Variants in PCDH15 observed in about 807,000 individuals in gnomAD.
PCDH15 encodes protocadherin related 15.
In PCDH15, 129 loss-of-function variants were observed where a neutral mutation model predicts 178.5. The observed-to-expected ratio is 0.72, with a 90% CI of 0.63 to 0.84. PCDH15 has a LOEUF of 0.84. PCDH15 is among the 40% of genes least tolerant of loss of function. PCDH15 has a pLI of 0.00. For synonymous variants in PCDH15, 800 were observed against 732.0 expected, an observed-to-expected ratio of 1.09 and a Z score of -1.50; for missense variants, 2,230 against 2,099.9, an observed-to-expected ratio of 1.06 and a Z score of -1.21.
intron 2 of PCDH15, among the ~76,000 whole-genome samples, chr10:54,560,297 T>A (rs1216368804): frequency 6.6e-6 from 1 of 152,108 alleles, no homozygotes; most frequent in Non-Finnish European, 1.5e-5. Flanking sequence ...TAATGTTGGT[T>A]ATGTATCGGC....
At chr10:55,569,303 T>C (rs1842361849) in intron 2 of PCDH15, among the ~76,000 whole-genome samples, 1 of 152,046 alleles carries the variant, frequency 6.6e-6, no homozygotes, top group Admixed American at 6.6e-5. Context: ...CAAGATGTGA[T>C]AGACCTTTAC....
intron 2 of PCDH15, among the ~76,000 whole-genome samples, chr10:55,103,052 G>A (rs1161336618): frequency 1.3e-5 from 2 of 151,764 alleles, no homozygotes; most frequent in African/African-American, 2.4e-5. Context: ...AGGGGCAGGC[G>A]AGGCAGCCAC....
At chr10:55,435,665 T>G (rs542224678) in intron 2 of PCDH15, among the ~76,000 whole-genome samples, 7 of 151,950 alleles carry the variant, frequency 4.6e-5, no homozygotes, top group Non-Finnish European at 7.4e-5. Context: ...GGAAAAAAAG[T>G]GGAAAACCAG....
At chr10:54,876,976 A>C (rs1954156685) in intron 3 of PCDH15, among the ~76,000 whole-genome samples, 1 of 152,196 alleles carries the variant, frequency 6.6e-6, no homozygotes, top group African/African-American at 2.4e-5. Flanking sequence ...GAAAGGAAGA[A>C]TCAATCAATG....
intron 2 of PCDH15, among the ~76,000 whole-genome samples, chr10:55,119,279 ATTC>A (rs1306199090): frequency 6.6e-6 from 1 of 152,254 alleles, no homozygotes; most frequent in East Asian, 1.9e-4. Context: ...AGCTGACCCT[ATTC>A]TTCAGTCTTC....
At chr10:54,321,446 A>T (rs1056574123) in intron 7 of PCDH15, among the ~76,000 whole-genome samples, 2 of 151,222 alleles carry the variant, frequency 1.3e-5, no homozygotes, top group African/African-American at 4.8e-5. Context: ...TATGTGATAC[A>T]TGAATGTAGC....
chr10:54,380,729 T>TGCTCC (rs1949121800), intron 3 of PCDH15, among the ~76,000 whole-genome samples: 1 of 115,072 alleles, frequency 8.7e-6, no homozygotes, highest in Non-Finnish European at 1.7e-5. Context: ...TATATATATA[T>TGCTCC]ATATATATAT....
In PCDH15 at chr10:53,959,726, C is replaced by T; in HGVS notation, c.3122+6G>A. ...GTGTATTTCAAAATCGGACAGAAAT[C>T]AATACCTATATTCCTCCTGTGTGAA... On this transcript the variant is annotated splice_donor_region_variant and intron_variant, in intron 23 of 37. Transcript: ENST00000644397. 2.5e-6 allele frequency: 4 copies of T among 1,600,850 alleles called. No homozygotes were observed. Among genetic ancestry groups the T allele is most frequent in the Non-Finnish European group, 3.4e-6 (4 of 1,168,084 alleles).
At chr10:55,295,890 A>G (rs1843119680) in intron 1 of PCDH15, among the ~76,000 whole-genome samples, 1 of 152,024 alleles carries the variant, frequency 6.6e-6, no homozygotes, top group African/African-American at 2.4e-5. Flanking sequence ...ATTTCCCCAC[A>G]CTTCAGACAC....
intron 2 of PCDH15, among the ~76,000 whole-genome samples, chr10:54,566,516 C>T (rs2089058296): frequency 6.6e-6 from 1 of 152,180 alleles, no homozygotes; most frequent in African/African-American, 2.4e-5. Context: ...CCACAACCCC[C>T]TGACAATCAC....
intron 2 of PCDH15, among the ~76,000 whole-genome samples, chr10:55,017,093 A>G (rs897260845): frequency 6.6e-6 from 1 of 152,124 alleles, no homozygotes; most frequent in African/African-American, 2.4e-5. Flanking sequence ...AGAGACCCCA[A>G]CTTTACTTTC....
intron 2 of PCDH15, among the ~76,000 whole-genome samples, chr10:55,618,009 AAT>A (rs1171888380): frequency 6.6e-6 from 1 of 152,064 alleles, no homozygotes; most frequent in Non-Finnish European, 1.5e-5. Context: ...ATCAAGATAA[AAT>A]ATAGTGTTTA....
chr10:54,217,382 C>CA (rs1307962787), intron 9 of PCDH15, among the ~76,000 whole-genome samples: 1 of 152,024 alleles, frequency 6.6e-6, no homozygotes, highest in East Asian at 1.9e-4. Context: ...TTACAAAACT[C>CA]AAAAAGTTAA....
At chr10:54,077,343 T>C (rs928937895) in intron 17 of PCDH15, among the ~76,000 whole-genome samples, 2 of 152,178 alleles carry the variant, frequency 1.3e-5, no homozygotes, top group Non-Finnish European at 2.9e-5. Context: ...ACAAAACTAC[T>C]GATTTTAGCC....
chr10:55,408,149 A>T (rs901557439), intron 2 of PCDH15, among the ~76,000 whole-genome samples: 2 of 151,436 alleles, frequency 1.3e-5, no homozygotes, highest in African/African-American at 4.9e-5. Flanking sequence ...AAAACCACTA[A>T]CTCATGTTAT....
chr10:54,833,499 C>G (rs1351213890), intron 3 of PCDH15, among the ~76,000 whole-genome samples: 1 of 152,188 alleles, frequency 6.6e-6, no homozygotes, highest in Non-Finnish European at 1.5e-5. Flanking sequence ...TGCCTCAAAA[C>G]TTCAACAATG....
chr10:54,908,036 T>C (rs1469370642), intron 2 of PCDH15, among the ~76,000 whole-genome samples: 1 of 152,158 alleles, frequency 6.6e-6, no homozygotes, highest in Non-Finnish European at 1.5e-5. Flanking sequence ...AGAGACATTG[T>C]TATGGGATCC....
intron 18 of PCDH15, among the ~76,000 whole-genome samples, chr10:54,026,213 C>A (rs2093086168): frequency 6.6e-6 from 1 of 151,994 alleles, no homozygotes; most frequent in Non-Finnish European, 1.5e-5. Flanking sequence ...GCACTACAAG[C>A]ACATGCCCCC....
chr10:54,421,803 ATG>A (rs1363897339), intron 3 of PCDH15, among the ~76,000 whole-genome samples: 10 of 122,206 alleles, frequency 8.2e-5, no homozygotes, highest in African/African-American at 3.3e-4. Context: ...ATATAGGTAC[ATG>A]TGTAGTGTGT....
Sources: gnomAD v4.1 joint callset for allele counts (sites outside exome capture counted in the v4.1 genomes callset) on GRCh38, gnomAD v4.1.1 for gene constraint, MANE v1.5 for transcripts, NCBI Gene and HGNC (gene_info 2026-07-23, HGNC 2026-07-21) for gene names.